Variants in AGPS observed in about 807,000 individuals in gnomAD.
AGPS encodes the protein alkyldihydroxyacetonephosphate synthase, peroxisomal.
AGPS carries 26 observed loss-of-function variants against 90.7 expected under a neutral mutation model. That is an observed-to-expected ratio of 0.29 (90% confidence interval 0.21 to 0.40). AGPS has a LOEUF of 0.40. Ranked by LOEUF, AGPS falls within the 10% of genes least tolerant of loss-of-function variation. The pLI, the probability that AGPS is intolerant of heterozygous loss-of-function variation, is 1.00. For missense variants in AGPS, 540 were observed against 816.1 expected, an observed-to-expected ratio of 0.66 and a Z score of 4.12; for synonymous variants, 294 against 285.3, an observed-to-expected ratio of 1.03 and a Z score of -0.31.
chr2:177,420,209 A>C, intron 1 of AGPS, 60 bp from the exon 2 acceptor site: 2 of 1,020,960 alleles, frequency 2.0e-6, no homozygotes, highest in Non-Finnish European at 3.1e-6. Flanking sequence ...TCAATGATAT[A>C]CTGTACAGTT....
intron 10 of AGPS, among the ~76,000 whole-genome samples, chr2:177,471,646 A>G (rs1687628257): frequency 1.3e-5 from 2 of 152,112 alleles, no homozygotes; most frequent in African/African-American, 2.4e-5. Context: ...TGGAATACTC[A>G]ATGTCAGTTC....
chr2:177,498,220 CT>C (rs1299411494), intron 13 of AGPS, among the ~76,000 whole-genome samples: 2 of 151,614 alleles, frequency 1.3e-5, no homozygotes, highest in African/African-American at 4.8e-5. Flanking sequence ...GAAAACAGTA[CT>C]TTCTTCTAGT....
chr2:177,461,965 T>C lies in AGPS; in HGVS notation c.943T>C (p.Ser315Pro). ...GTTCAGTACTGTAGGAGGATGGGTATCTACTCGCGCATCAGGCATGAAGAA... is the reference window on the plus strand; with the variant it reads ...GTTCAGTACTGTAGGAGGATGGGTACCTACTCGCGCATCAGGCATGAAGAA... ...LEFSTVGGWV[S>P]TRASGMKKNI... Residue 315 changes from serine (S) to proline (P), a missense_variant, in exon 9 of 20, where the codon TCT (serine) becomes CCT (proline). This residue lies in a region of AGPS where 405 missense variants were observed against 692.1 expected (regional missense o/e 0.59). Coordinates refer to ENST00000264167, the MANE Select transcript of AGPS (RefSeq NM_003659.4). The C allele has an allele frequency of 6.2e-7, 1 of 1,612,886 alleles. No homozygotes were observed. Among genetic ancestry groups the C allele is most frequent in the Non-Finnish European group, 8.5e-7 (1 of 1,179,234 alleles).
At chr2:177,460,975 A>G (rs573791602) in intron 8 of AGPS, among the ~76,000 whole-genome samples, 1 of 152,366 alleles carries the variant, frequency 6.6e-6, no homozygotes, top group Admixed American at 6.5e-5. Flanking sequence ...ATTTTGGATT[A>G]CAACTTTCAC....
intron 1 of AGPS, among the ~76,000 whole-genome samples, chr2:177,409,321 G>A (rs932373544): frequency 3.3e-5 from 5 of 151,862 alleles, no homozygotes; most frequent in African/African-American, 1.2e-4. Context: ...CTCCCGGCAA[G>A]AATGCTTGGG....
chr2:177,420,560 GTA>G (rs199979157), intron 2 of AGPS, among the ~76,000 whole-genome samples: 2 of 151,118 alleles, frequency 1.3e-5, no homozygotes, highest in African/African-American at 4.9e-5. Flanking sequence ...TTGTGTGTGT[GTA>G]TATATATATT....
intron 16 of AGPS, 44 bp from the exon 17 acceptor site, chr2:177,513,775 T>A (rs1350326681): frequency 1.4e-6 from 2 of 1,427,420 alleles, no homozygotes; most frequent in African/African-American, 2.8e-5. Context: ...CTTGTGTAGT[T>A]CTCACTTGAA....
At chr2:177,467,226 TTTAAA>T (rs1687480774) in intron 9 of AGPS, among the ~76,000 whole-genome samples, 1 of 152,240 alleles carries the variant, frequency 6.6e-6, no homozygotes, top group South Asian at 2.1e-4. Context: ...TCATCTGCTC[TTTAAA>T]TTATGTCATC....
chr2:177,458,287 G>T (rs1008380448), intron 8 of AGPS, among the ~76,000 whole-genome samples: 10 of 152,314 alleles, frequency 6.6e-5, no homozygotes, highest in Middle Eastern at 6.8e-3. Flanking sequence ...CACAAGACAA[G>T]GATCTCCTCT....
intron 10 of AGPS, among the ~76,000 whole-genome samples, chr2:177,477,808 G>A (rs1473876363): frequency 6.6e-6 from 1 of 151,906 alleles, no homozygotes; most frequent in East Asian, 1.9e-4. Context: ...GCTAGTATTG[G>A]CACATATATC....
chr2:177,402,015 C>T (rs1685347042), intron 1 of AGPS, among the ~76,000 whole-genome samples: 1 of 152,058 alleles, frequency 6.6e-6, no homozygotes, highest in African/African-American at 2.4e-5. Context: ...TGTCAGTGAA[C>T]AAAATGGAGA....
chr2:177,506,829 A>T (rs988920738), intron 15 of AGPS, among the ~76,000 whole-genome samples: 8 of 152,138 alleles, frequency 5.3e-5, no homozygotes, highest in African/African-American at 1.9e-4. Context: ...TTCCCATAGT[A>T]AGCATTTTGA....
At chr2:177,527,433 A>G (rs1019159036) in intron 19 of AGPS, among the ~76,000 whole-genome samples, 9 of 152,194 alleles carry the variant, frequency 5.9e-5, no homozygotes, top group African/African-American at 2.2e-4. Flanking sequence ...GTCTCAATCA[A>G]TCAATAAAAG....
chr2:177,411,061 T>C (rs910044656), intron 1 of AGPS, among the ~76,000 whole-genome samples: 2 of 152,224 alleles, frequency 1.3e-5, no homozygotes, highest in African/African-American at 4.8e-5. Context: ...CTGAGGGCCA[T>C]GACTAAAGCG....
At chr2:177,431,632 T>A (rs1686247612) in intron 2 of AGPS, among the ~76,000 whole-genome samples, 1 of 152,190 alleles carries the variant, frequency 6.6e-6, no homozygotes, top group Non-Finnish European at 1.5e-5. Context: ...TAATTATTAA[T>A]ATTCCTTGCT....
At position 177,539,315 on chromosome 2, in the gene AGPS, A is replaced by G. The variant is rs1469578637; in HGVS notation, c.*1120A>G. On this transcript the variant is annotated 3_prime_UTR_variant, in exon 20 of 20. Coordinates refer to ENST00000264167, the MANE Select transcript of AGPS (RefSeq NM_003659.4). The stretch of plus-strand genomic sequence containing the variant: ...TAATTTTTTTTAAATGTAATGTATT[A>G]ATGCATATACCATAATCAAAAGTTT... 1 of 152,000 alleles carries G rather than the reference A, an allele frequency of 6.6e-6. No individual in the cohort carries two copies. The highest frequency in any genetic ancestry group is 2.4e-5 in the African/African-American group (1 of 41,432). 9.4% of individuals were successfully genotyped at this position (152,000 alleles called of 1,614,324 possible).
intron 16 of AGPS, among the ~76,000 whole-genome samples, 161 bp from the exon 17 acceptor site, chr2:177,513,658 T>C (rs1316837137): frequency 6.6e-6 from 1 of 152,180 alleles, no homozygotes; most frequent in Non-Finnish European, 1.5e-5. Context: ...GAGGGCTCAA[T>C]TTGAGTGATC....
At chr2:177,522,210 G>A (rs1223847152) in intron 18 of AGPS, among the ~76,000 whole-genome samples, 1 of 152,022 alleles carries the variant, frequency 6.6e-6, no homozygotes, top group Non-Finnish European at 1.5e-5. Context: ...ATTCCCAAAA[G>A]TCTGAGTACT....
At chr2:177,420,427 A>T in intron 2 of AGPS, 69 bp downstream of exon 2, 1 of 1,137,946 alleles carries the variant, frequency 8.8e-7, no homozygotes, top group Non-Finnish European at 1.3e-6. Flanking sequence ...TTTTAAACAC[A>T]CATGAAAATA....
Sources: allele counts gnomAD v4.1 joint callset (sites outside exome capture counted in the v4.1 genomes callset), GRCh38; gene constraint gnomAD v4.1.1; regional missense constraint gnomAD v4.1.1; transcripts MANE v1.5; gene names NCBI Gene and HGNC (gene_info 2026-07-23, HGNC 2026-07-21).